The following UACA variants were observed in gnomAD, a reference collection of about 807,000 sequenced individuals.
UACA encodes nuclear membrane binding protein.
Under a neutral mutation model 160.5 loss-of-function variants are expected in UACA, and 112 were observed. That is an observed-to-expected ratio of 0.70 (90% CI 0.60 to 0.82). The LOEUF is 0.82. Ranked by LOEUF, UACA falls within the 40% of genes least tolerant of loss-of-function variation. The pLI, the probability that UACA is intolerant of heterozygous loss-of-function variation, is 0.00. For missense variants in UACA, 1,574 were observed against 1,614.6 expected (o/e 0.97, Z 0.43); for synonymous variants, 557 against 568.4 (o/e 0.98, Z 0.29).
At chr15:70,718,323 A>ACTGTGTGTGTGTGTGT (rs1491099807) in intron 1 of UACA, among the ~76,000 whole-genome samples, 1 of 15,608 alleles carries the variant, frequency 6.4e-5, no homozygotes. Flanking sequence ...AGAGAGAGAG[A>ACTGTGTGTGTGTGTGT]ATGTGTGTGT....
intron 1 of UACA, among the ~76,000 whole-genome samples, chr15:70,760,222 T>TAAATGTAAA (rs1431341794): frequency 2.0e-5 from 3 of 151,826 alleles, no homozygotes; most frequent in Non-Finnish European, 4.4e-5. Context: ...ATCAAAGACT[T>TAAATGTAAA]AAATGTAAAA....
At chr15:70,772,492 C>CAAAAAA in the UACA span, among the ~76,000 whole-genome samples, 21 of 49,522 alleles carry the variant, frequency 4.2e-4, no homozygotes, top group South Asian at 1.9e-3. Flanking sequence ...GCCTCCATCT[C>CAAAAAA]AAAAAAAAAA....
intron 3 of UACA, among the ~76,000 whole-genome samples, chr15:70,693,328 T>A (rs1003174953): frequency 2.0e-5 from 3 of 152,078 alleles, no homozygotes; most frequent in African/African-American, 7.2e-5. Context: ...ACAACACAGG[T>A]GCATACCTGG....
chr15:70,708,081 C>T (rs1427526433), intron 1 of UACA, among the ~76,000 whole-genome samples: 1 of 152,146 alleles, frequency 6.6e-6, no homozygotes, highest in Non-Finnish European at 1.5e-5. Flanking sequence ...CAATGGAATA[C>T]TATTTAGCCT....
In UACA at chr15:70,723,385, C is replaced by T. The variant is rs566247452; in HGVS notation, c.79-23725G>A. On this transcript the variant is annotated intron_variant, in intron 1 of 18. Transcript: ENST00000322954. ...CGGTAGTCCCAGCTACTCAGGGATA[C>T]TCTTATAATAGACTTACTGTTCTTA... 3.9e-5 allele frequency among the ~76,000 whole-genome samples: 6 copies of T among 152,290 alleles called. No homozygotes were observed. In the South Asian group the frequency reaches 1.2e-3, roughly 32 times the overall value.
intron 8 of UACA, among the ~76,000 whole-genome samples, chr15:70,683,798 G>A (rs1477599419): frequency 1.3e-5 from 2 of 151,910 alleles, no homozygotes; most frequent in South Asian, 2.1e-4. Flanking sequence ...CAGTGGTAAT[G>A]AGTGACTATT....
intron 1 of UACA, chr15:70,749,360 A>C (rs1899811156): frequency 1.6e-5 from 3 of 189,666 alleles, no homozygotes; most frequent in Non-Finnish European, 2.2e-5. Flanking sequence ...CCCCGTCTCT[A>C]CTAAAAATAC....
chr15:70,769,011 C>G, the UACA span, among the ~76,000 whole-genome samples: 1 of 152,054 alleles, frequency 6.6e-6, no homozygotes, highest in Admixed American at 6.6e-5. Context: ...TCCATCACAA[C>G]CTTTGCTACT....
rs763082528 is a variant in UACA at position 70,679,616 on chromosome 15, T to C, written c.883A>G (p.Asn295Asp). ...NVKSHQREHQ[N>D]IQDLEIENED... is the part of the protein sequence containing the mutation. ...TATTTTTTTCTTTTTACCTGAATATTTTGATGCTCCCTCTGATGTGACTTC... is the reference window on the plus strand; with the variant it reads ...TATTTTTTTCTTTTTACCTGAATATCTTGATGCTCCCTCTGATGTGACTTC... Residue 295 changes from asparagine (N) to aspartate (D), a missense_variant, in exon 10 of 19, where the codon AAT becomes GAT. Coordinates refer to ENST00000322954, the MANE Select transcript of UACA (RefSeq NM_018003.4). The C allele has an allele frequency of 1.3e-6, 2 of 1,587,190 alleles. No homozygotes were observed. Among genetic ancestry groups the C allele is most frequent in the African/African-American group, 2.7e-5 (2 of 73,264 alleles).
upstream of UACA, among the ~76,000 whole-genome samples, chr15:70,765,268 G>A (rs1260367693): frequency 6.6e-6 from 1 of 152,000 alleles, no homozygotes; most frequent in Non-Finnish European, 1.5e-5. Context: ...AGGGGATGTC[G>A]GGGGCTTCTG....
At chr15:70,725,477 CA>C (rs1186906247) in intron 1 of UACA, among the ~76,000 whole-genome samples, 1 of 152,118 alleles carries the variant, frequency 6.6e-6, no homozygotes, top group East Asian at 1.9e-4. Context: ...TTTTAATTGT[CA>C]AAGGGAACAT....
rs1341226314 is a variant in UACA, at chr15:70,662,499, TG to T, written c.4113+2162del. On this transcript the variant is annotated intron_variant, in intron 17 of 18. Transcript: ENST00000322954. ...CTACCAATGACTTTCTTCACAGAATTGGAAAAAACTACTTTAAAGTTCATAT... is the reference window on the plus strand; with the variant it reads ...CTACCAATGACTTTCTTCACAGAATTGAAAAAACTACTTTAAAGTTCATAT... Among the ~76,000 whole-genome samples the T allele has an allele frequency of 7.0e-4, 107 of 152,272 alleles. 1 individual carries two copies. The highest frequency in any genetic ancestry group is 2.4e-3 in the African/African-American group (99 of 41,548).
chr15:70,728,773 A>G (rs1899226943), intron 1 of UACA, among the ~76,000 whole-genome samples: 1 of 152,104 alleles, frequency 6.6e-6, no homozygotes. Flanking sequence ...AACAGGAGAA[A>G]ATAGTCACAA....
chr15:70,763,118 A>G (rs1260767094), intron 1 of UACA, among the ~76,000 whole-genome samples: 1 of 152,146 alleles, frequency 6.6e-6, no homozygotes, highest in Non-Finnish European at 1.5e-5. Flanking sequence ...GGGGTGGGGA[A>G]GAGACCCGTA....
chr15:70,763,264 G>T (rs1408331213), intron 1 of UACA, 66 bp downstream of exon 1: 1 of 1,284,624 alleles, frequency 7.8e-7, no homozygotes, highest in Non-Finnish European at 9.9e-7. Flanking sequence ...GCGCGAACTC[G>T]CCAGCAAAGG....
At chr15:70,754,408 A>G (rs1375666062) in intron 1 of UACA, among the ~76,000 whole-genome samples, 1 of 152,224 alleles carries the variant, frequency 6.6e-6, no homozygotes, top group Non-Finnish European at 1.5e-5. Context: ...CTTATAAAAT[A>G]GGCTTTGTGT....
intron 18 of UACA, among the ~76,000 whole-genome samples, chr15:70,659,877 C>T (rs1309353026): frequency 6.6e-6 from 1 of 152,052 alleles, no homozygotes; most frequent in Non-Finnish European, 1.5e-5. Context: ...ACACCATTAA[C>T]GTGTGCTACC....
At position 70,687,666 on chromosome 15, in the gene UACA, A is replaced by G; in HGVS notation, c.496-20T>C. 3 of 1,613,720 alleles carry G rather than the reference A, an allele frequency of 1.9e-6. No homozygotes were observed. Among genetic ancestry groups the G allele is most frequent in the South Asian group, 1.1e-5 (1 of 91,056 alleles). On this transcript the variant is annotated intron_variant, in intron 6 of 18. Transcript: ENST00000322954. ...CCCGTCCTAAGCAACAGGAAAAATAAAACAGCATTAAGACAACAGATCTCC... is the reference window on the plus strand; with the variant it reads ...CCCGTCCTAAGCAACAGGAAAAATAGAACAGCATTAAGACAACAGATCTCC...
upstream of UACA, among the ~76,000 whole-genome samples, chr15:70,763,843 T>C (rs1299189317): frequency 1.4e-4 from 21 of 152,192 alleles, no homozygotes; most frequent in Non-Finnish European, 2.9e-5. Flanking sequence ...GGGTCCCGCC[T>C]TTGCCACCTC....
Sources: gnomAD v4.1 joint callset for allele counts (sites outside exome capture counted in the v4.1 genomes callset) on GRCh38, gnomAD v4.1.1 for gene constraint, MANE v1.5 for transcripts, NCBI Gene and HGNC (gene_info 2026-07-23, HGNC 2026-07-21) for gene names.